Variants in CASQ2 observed in about 807,000 individuals in gnomAD.
CASQ2 encodes the protein calsequestrin 2.
A neutral mutation model predicts 46.5 loss-of-function variants in CASQ2; 49 were observed. The ratio of observed to expected loss-of-function variants is 1.05; its 90% CI spans 0.84 to 1.34. The LOEUF is 1.34. Among genes scored for constraint, CASQ2 ranks in the 40% most tolerant of loss-of-function variants. The pLI, the probability that CASQ2 is intolerant of heterozygous loss-of-function variation, is 0.00. For synonymous variants in CASQ2, 174 were observed against 168.5 expected (o/e 1.03, Z -0.25); for missense variants, 486 against 481.3 (o/e 1.01, Z -0.09).
chr1:115,748,336 C>T lies in CASQ2; in HGVS notation c.235-3424G>A, dbSNP rs533968420. Among the ~76,000 whole-genome samples the T allele has an allele frequency of 3.0e-4, 46 of 152,222 alleles. No individual in the cohort carries two copies. The South Asian group carries it at 4.6e-3, about 15-fold the overall frequency. ...TTTTTCTTTGCATATTTATTCTTCC[C>T]TCCCAGACCTTTTCATCTGTTCCCA... is the stretch of plus-strand genomic sequence containing the variant. On this transcript the variant is annotated intron_variant, in intron 1 of 10. Coordinates refer to ENST00000261448, the MANE Select transcript of CASQ2 (RefSeq NM_001232.4).
At chr1:115,756,245 C>T (rs1006990980) in intron 1 of CASQ2, among the ~76,000 whole-genome samples, 3 of 152,198 alleles carry the variant, frequency 2.0e-5, no homozygotes, top group African/African-American at 7.2e-5. Flanking sequence ...CTCTGGCTTG[C>T]CTAGCCCATC....
intron 1 of CASQ2, among the ~76,000 whole-genome samples, chr1:115,745,996 T>G (rs1373577179): frequency 6.6e-6 from 1 of 152,180 alleles, no homozygotes; most frequent in African/African-American, 2.4e-5. Flanking sequence ...TATCCCCTCT[T>G]TTACCCTGGG....
intron 3 of CASQ2, among the ~76,000 whole-genome samples, chr1:115,739,120 C>CTTTGTTTTTT: frequency 2.1e-5 from 1 of 48,446 alleles, no homozygotes; most frequent in Non-Finnish European, 8.0e-5. Context: ...ATTTTCTTTT[C>CTTTGTTTTTT]TTTCTTTTTG....
intron 6 of CASQ2, 23 bp downstream of exon 6, chr1:115,726,969 C>A (rs770375442): frequency 1.6e-5 from 25 of 1,566,564 alleles, no homozygotes; most frequent in Non-Finnish European, 1.8e-5. Flanking sequence ...AGGCCCCCAG[C>A]CCCCACATGC....
At chr1:115,705,347 G>A (rs1654327268) in intron 8 of CASQ2, 55 bp from the exon 9 acceptor site, 1 of 1,130,042 alleles carries the variant, frequency 8.8e-7, no homozygotes, top group Non-Finnish European at 1.3e-6. Flanking sequence ...AGCTTCTAAT[G>A]TGGAGAGCAG....
chr1:115,742,274 G>T (rs1432267714), intron 2 of CASQ2, among the ~76,000 whole-genome samples: 1 of 151,868 alleles, frequency 6.6e-6, no homozygotes, highest in Non-Finnish European at 1.5e-5. Context: ...ACCGTGTCTG[G>T]CCCTGCCAGA....
At chr1:115,746,675 G>C (rs1434728126) in intron 1 of CASQ2, among the ~76,000 whole-genome samples, 3 of 152,014 alleles carry the variant, frequency 2.0e-5, no homozygotes, top group Non-Finnish European at 4.4e-5. Flanking sequence ...TTTTCAACTG[G>C]ATTGCTTTTT....
intron 1 of CASQ2, among the ~76,000 whole-genome samples, chr1:115,765,657 G>A (rs1205914827): frequency 6.6e-6 from 1 of 151,810 alleles, no homozygotes; most frequent in Non-Finnish European, 1.5e-5. Flanking sequence ...TTTGTTTCTG[G>A]TGTGTGTGTG....
intron 8 of CASQ2, among the ~76,000 whole-genome samples, chr1:115,707,445 T>C (rs1053160688): frequency 8.5e-5 from 13 of 152,142 alleles, no homozygotes; most frequent in African/African-American, 2.7e-4. Flanking sequence ...CACCGGAGAC[T>C]GACAGGGCCC....
At chr1:115,741,193 AT>A (rs1023327173) in intron 2 of CASQ2, among the ~76,000 whole-genome samples, 10 of 152,140 alleles carry the variant, frequency 6.6e-5, no homozygotes, top group Non-Finnish European at 2.9e-5. Context: ...TCCCTCCAAA[AT>A]CTGTTTCCAA....
intron 4 of CASQ2, among the ~76,000 whole-genome samples, chr1:115,737,571 C>T (rs1288699547): frequency 1.3e-5 from 2 of 152,304 alleles, no homozygotes; most frequent in Admixed American, 6.5e-5. Flanking sequence ...TACTCAAGTG[C>T]TTACTCCTCC....
At chr1:115,741,426 A>G (rs1648174680) in intron 2 of CASQ2, among the ~76,000 whole-genome samples, 1 of 152,150 alleles carries the variant, frequency 6.6e-6, no homozygotes, top group Non-Finnish European at 1.5e-5. Flanking sequence ...CTTAGGATTC[A>G]TTTTTCTTAA....
At chr1:115,718,073 G>A (rs1252498205) in intron 7 of CASQ2, among the ~76,000 whole-genome samples, 179 bp from the exon 8 acceptor site, 1 of 152,164 alleles carries the variant, frequency 6.6e-6, no homozygotes, top group Non-Finnish European at 1.5e-5. Context: ...AAGGAATGCT[G>A]AGGAGCAACT....
chr1:115,701,534 CTTA>C, intron 10 of CASQ2, 108 bp from the exon 11 acceptor site: 1 of 758,370 alleles, frequency 1.3e-6, no homozygotes. Context: ...CTCTCTTACA[CTTA>C]TTAGGAACGT....
In CASQ2 at chr1:115,700,789, A is replaced by C; in HGVS notation, c.*452T>G. 1 of 472,032 alleles carries C rather than the reference A, an allele frequency of 2.1e-6. No homozygotes were observed. The highest frequency in any genetic ancestry group is 3.7e-6 in the Non-Finnish European group (1 of 271,048). The allele number at this position is 472,032 out of a possible 1,614,324, so 29.2% of individuals were successfully genotyped here. ...AGGGATCCCAACTGATGTTCGAGGT[A>C]TGGAGGGAGCTAAATCATTAATCAT... On this transcript the variant is annotated 3_prime_UTR_variant, in exon 11 of 11. Coordinates refer to ENST00000261448, the MANE Select transcript of CASQ2 (RefSeq NM_001232.4).
intron 7 of CASQ2, among the ~76,000 whole-genome samples, chr1:115,719,926 T>C (rs1378434473): frequency 6.6e-6 from 1 of 152,210 alleles, no homozygotes; most frequent in Non-Finnish European, 1.5e-5. Context: ...AAGAAGGGAT[T>C]ATGCCTTAAG....
intron 1 of CASQ2, among the ~76,000 whole-genome samples, chr1:115,764,697 T>C (rs1330782946): frequency 2.6e-5 from 4 of 152,206 alleles, no homozygotes; most frequent in Non-Finnish European, 5.9e-5. Flanking sequence ...CTATGGATTA[T>C]ACAATGACCC....
chr1:115,746,236 G>T (rs941383483), intron 1 of CASQ2, among the ~76,000 whole-genome samples: 8 of 151,990 alleles, frequency 5.3e-5, no homozygotes, highest in African/African-American at 1.7e-4. Context: ...CTCATTAAAG[G>T]ATATGTGGGT....
chr1:115,754,209 G>C (rs1223651684), intron 1 of CASQ2, among the ~76,000 whole-genome samples: 1 of 152,216 alleles, frequency 6.6e-6, no homozygotes, highest in Admixed American at 6.5e-5. Flanking sequence ...TCACGAAGGA[G>C]GCTGGCTCAA....
Sources: allele counts gnomAD v4.1 joint callset (sites outside exome capture counted in the v4.1 genomes callset), GRCh38; gene constraint gnomAD v4.1.1; transcripts MANE v1.5; gene names NCBI Gene and HGNC (gene_info 2026-07-23, HGNC 2026-07-21).